Variants in SEPHS1 observed in about 807,000 individuals in gnomAD.
SEPHS1 encodes zincore component SEPHS1.
Under a neutral mutation model 39.2 loss-of-function variants are expected in SEPHS1, and 7 were observed. The ratio of observed to expected loss-of-function variants is 0.18; its 90% CI spans 0.10 to 0.34. The LOEUF (loss-of-function observed/expected upper bound fraction) is 0.34, where lower values mean the gene tolerates loss of function less well. Ranked by LOEUF, SEPHS1 falls within the 10% of genes least tolerant of loss-of-function variation. The pLI is 1.00. For missense variants in SEPHS1, 253 were observed against 514.5 expected (o/e 0.49, Z 4.92); for synonymous variants, 190 against 195.5 (o/e 0.97, Z 0.23).
chr10:13,342,409 C>G (rs371816618), intron 2 of SEPHS1, among the ~76,000 whole-genome samples: 1 of 152,026 alleles, frequency 6.6e-6, no homozygotes, highest in South Asian at 2.1e-4. Context: ...CTTGAAACCC[C>G]GTCTCTACTA....
rs895352032 is a variant in SEPHS1 at position 13,334,742 on chromosome 10, T to A, written c.406-771A>T. On this transcript the variant is annotated intron_variant, in intron 4 of 8. Coordinates refer to ENST00000327347, the MANE Select transcript of SEPHS1 (RefSeq NM_012247.5). ...ACAAACAAAAACAAAAGCTAGAAAA[T>A]ATTTCACATTGTCATCATTTTATCC... 2.0e-5 allele frequency among the ~76,000 whole-genome samples: 3 copies of A among 152,082 alleles called. No homozygotes were observed. In the East Asian group the frequency reaches 5.8e-4, roughly 29 times the overall value.
chr10:13,331,266 G>C (rs1564447510), intron 5 of SEPHS1, among the ~76,000 whole-genome samples: 1 of 152,174 alleles, frequency 6.6e-6, no homozygotes, highest in Non-Finnish European at 1.5e-5. Context: ...CCAAGTCTTA[G>C]CTATTGTGAA....
At position 13,325,914 on chromosome 10, in the gene SEPHS1, AAAAAAAAAAAAAAAAAAAAGAGAC is replaced by A. The variant is rs1437666624; in HGVS notation, c.751+2413_751+2436del. 1.4e-3 allele frequency among the ~76,000 whole-genome samples: 107 copies of A among 75,212 alleles called. 6 individuals carry two copies. The highest frequency in any genetic ancestry group is 9.5e-3 in the African/African-American group (99 of 10,370). The allele number at this position is 75,212 out of a possible 152,430, so 49.3% of individuals were successfully genotyped here. ...CCGTCTCAAAAAAAAAAAAAAAAAA[AAAAAAAAAAAAAAAAAAAAGAGAC>A]TCAGTCTCAAAAAAAAAAAAAAAAA... On this transcript the variant is annotated intron_variant, in intron 7 of 8. Transcript: ENST00000327347.
chr10:13,327,643 T>C (rs998433461), intron 7 of SEPHS1, among the ~76,000 whole-genome samples: 17 of 152,240 alleles, frequency 1.1e-4, no homozygotes, highest in Non-Finnish European at 1.9e-4. Context: ...GTGAACACTT[T>C]GGAAGACAGT....
intron 2 of SEPHS1, among the ~76,000 whole-genome samples, chr10:13,339,787 G>A (rs1248640985): frequency 1.3e-5 from 2 of 152,108 alleles, no homozygotes; most frequent in Admixed American, 6.5e-5. Context: ...ATGTGAATGC[G>A]ATGTAAATAT....
chr10:13,321,578 A>G (rs1833118017), intron 8 of SEPHS1, among the ~76,000 whole-genome samples: 1 of 152,210 alleles, frequency 6.6e-6, no homozygotes, highest in Admixed American at 6.5e-5. Context: ...TTTTGCGGGT[A>G]GAAAACTAGA....
chr10:13,338,848 G>A, intron 2 of SEPHS1, 40 bp from the exon 3 acceptor site: 1 of 1,457,848 alleles, frequency 6.9e-7, no homozygotes. Context: ...AAATAAAACG[G>A]GAAAGCCATT....
At chr10:13,330,677 C>T (rs1212089013) in intron 5 of SEPHS1, among the ~76,000 whole-genome samples, 1 of 152,122 alleles carries the variant, frequency 6.6e-6, no homozygotes, top group African/African-American at 2.4e-5. Context: ...CAACACCCAG[C>T]TCCCCAGCTC....
At chr10:13,344,488 A>G (rs186154819) in intron 2 of SEPHS1, among the ~76,000 whole-genome samples, 39 of 152,234 alleles carry the variant, frequency 2.6e-4, no homozygotes, top group African/African-American at 8.7e-4. Flanking sequence ...AGCAATCATA[A>G]CATTGATTGC....
chr10:13,335,885 C>T (rs1281050629), intron 4 of SEPHS1, among the ~76,000 whole-genome samples: 1 of 148,622 alleles, frequency 6.7e-6, no homozygotes, highest in Non-Finnish European at 1.5e-5. Context: ...GAGGCTGAGG[C>T]AGGAGAATTG....
At chr10:13,331,644 A>C (rs1216523141) in intron 5 of SEPHS1, among the ~76,000 whole-genome samples, 1 of 152,218 alleles carries the variant, frequency 6.6e-6, no homozygotes, top group Non-Finnish European at 1.5e-5. Context: ...TGGCTTCCCA[A>C]AGTGCTGGGA....
At chr10:13,319,417 G>T (rs1833036063) in intron 8 of SEPHS1, 61 bp from the exon 9 acceptor site, 1 of 1,549,964 alleles carries the variant, frequency 6.5e-7, no homozygotes. Flanking sequence ...CTCTGCCTCT[G>T]CTGCTTCTGC....
At chr10:13,330,526 C>G (rs944925341) in intron 5 of SEPHS1, among the ~76,000 whole-genome samples, 1 of 152,176 alleles carries the variant, frequency 6.6e-6, no homozygotes, top group African/African-American at 2.4e-5. Context: ...TGCATTCACA[C>G]TACCAGGAAG....
rs1298410502 is a variant in SEPHS1 at position 13,322,846 on chromosome 10, G to A, written c.953C>T (p.Pro318Leu). The change falls in exon 8 of 9, where the codon CCG (proline) becomes CTG (leucine). Residue 318 changes from proline (P) to leucine (L), a missense_variant. Coordinates refer to ENST00000327347, the MANE Select transcript of SEPHS1 (RefSeq NM_012247.5). Reference protein sequence around the residue: ...NMFGLMHGTCPETSGGLLICL... With the variant: ...NMFGLMHGTCLETSGGLLICL... ...CCAGCATCCTGTACCTGAAGTCTCC[G>A]GGCAGGTCCCGTGCATGAGGCCGAA... 1.9e-6 allele frequency: 3 copies of A among 1,613,444 alleles called. No homozygotes were observed. The highest frequency in any genetic ancestry group is 1.3e-5 in the African/African-American group (1 of 75,024).
chr10:13,325,968 T>C (rs1367313115), intron 7 of SEPHS1, among the ~76,000 whole-genome samples: 1 of 67,344 alleles, frequency 1.5e-5, no homozygotes, highest in African/African-American at 4.0e-5. Flanking sequence ...AAAAAAATAA[T>C]AATAATAATA....
chr10:13,325,495 C>T lies in SEPHS1; in HGVS notation c.752-2448G>A, dbSNP rs531305446. Among the ~76,000 whole-genome samples the T allele has an allele frequency of 3.9e-5, 6 of 152,342 alleles. No homozygotes were observed. In the East Asian group the frequency reaches 1.2e-3, roughly 29 times the overall value. On this transcript the variant is annotated intron_variant, in intron 7 of 8. Coordinates refer to ENST00000327347, the MANE Select transcript of SEPHS1 (RefSeq NM_012247.5). ...AAGTGGCAGTTTCCCCTGCTCTTCT[C>T]TGTCCTGCTGCCTCATGAAGAACCT...
chr10:13,332,248 G>T (rs571317451), intron 5 of SEPHS1, among the ~76,000 whole-genome samples: 16 of 152,318 alleles, frequency 1.1e-4, no homozygotes, highest in African/African-American at 3.8e-4. Context: ...AAAACATTCC[G>T]CTATGGGAGT....
chr10:13,320,469 C>T (rs1049687749), intron 8 of SEPHS1, among the ~76,000 whole-genome samples: 1 of 152,098 alleles, frequency 6.6e-6, no homozygotes, highest in Non-Finnish European at 1.5e-5. Context: ...GCGTGAGCCA[C>T]TGCACCGGGC....
intron 1 of SEPHS1, among the ~76,000 whole-genome samples, chr10:13,346,644 G>C (rs36108296): frequency 0.45 from 62,017 of 138,644 alleles, 14,362 homozygotes; most frequent in East Asian, 0.69. Flanking sequence ...GACTTGGAAG[G>C]CGTTTTCAAC....
Sources: allele counts gnomAD v4.1 joint callset (sites outside exome capture counted in the v4.1 genomes callset), GRCh38; gene constraint gnomAD v4.1.1; transcripts MANE v1.5; gene names NCBI Gene and HGNC (gene_info 2026-07-23, HGNC 2026-07-21).